ATIC: variants seen among roughly 807,000 people sequenced by gnomAD.
The protein encoded by ATIC is 5-aminoimidazole-4-carboxamide ribonucleotide formyltransferase/IMP cyclohydrolase, also known as bifunctional purine biosynthesis protein ATIC.
Under a neutral mutation model 72.5 loss-of-function variants are expected in ATIC, and 64 were observed. That is an observed-to-expected ratio of 0.88 (90% CI 0.72 to 1.09). The LOEUF (loss-of-function observed/expected upper bound fraction) is 1.09. Among genes scored for constraint, ATIC ranks in the 50% least tolerant of loss-of-function variants. The pLI, the probability that ATIC is intolerant of heterozygous loss-of-function variation, is 0.00. For synonymous variants in ATIC, 281 were observed against 267.1 expected, an observed-to-expected ratio of 1.05 and a Z score of -0.51; for missense variants, 787 against 732.4, an observed-to-expected ratio of 1.07 and a Z score of -0.86.
chr2:215,327,027 G>T, intron 7 of ATIC, 49 bp downstream of exon 7: 1 of 1,611,294 alleles, frequency 6.2e-7, no homozygotes, highest in Non-Finnish European at 8.5e-7. Flanking sequence ...TGGAGAGTGT[G>T]TGTTTCTCTG....
At chr2:215,339,028 C>A in intron 12 of ATIC, 121 bp downstream of exon 12, 1 of 1,337,096 alleles carries the variant, frequency 7.5e-7, no homozygotes, top group Non-Finnish European at 1.1e-6. Context: ...ACACGGCTAG[C>A]TAGCTTATCT....
intron 13 of ATIC, chr2:215,345,169 C>A (rs2053059155): frequency 1.7e-5 from 7 of 422,322 alleles, no homozygotes; most frequent in Non-Finnish European, 3.1e-5. Flanking sequence ...ATTTCCTTTC[C>A]TTTTCCCCCA....
downstream of ATIC, chr2:215,349,807 C>A: frequency 1.5e-6 from 2 of 1,355,692 alleles, no homozygotes; most frequent in Non-Finnish European, 2.1e-6. Flanking sequence ...AAGATGCAGG[C>A]TCTTTGAACT....
intron 12 of ATIC, among the ~76,000 whole-genome samples, chr2:215,341,119 C>T (rs2053014279): frequency 6.6e-6 from 1 of 152,176 alleles, no homozygotes; most frequent in South Asian, 2.1e-4. Context: ...TGTTGATAAG[C>T]ATACGACGAT....
At chr2:215,331,550 T>G (rs967619150) in intron 7 of ATIC, among the ~76,000 whole-genome samples, 2 of 151,964 alleles carry the variant, frequency 1.3e-5, no homozygotes, top group African/African-American at 4.8e-5. Context: ...ACCCAGCTAA[T>G]TTTTGTGTTT....
intron 7 of ATIC, among the ~76,000 whole-genome samples, chr2:215,330,334 T>C (rs2052877322): frequency 6.6e-6 from 1 of 152,206 alleles, no homozygotes; most frequent in Admixed American, 6.5e-5. Context: ...AATTATTTTT[T>C]CAAGTTCTTT....
chr2:215,351,326 A>T (rs911083958), downstream of ATIC, among the ~76,000 whole-genome samples: 12 of 152,242 alleles, frequency 7.9e-5, no homozygotes, highest in Admixed American at 7.2e-4. Flanking sequence ...ATACAGAGAG[A>T]TGCATACTGT....
intron 11 of ATIC, among the ~76,000 whole-genome samples, chr2:215,337,923 A>G (rs2052974630): frequency 6.6e-6 from 1 of 152,172 alleles, no homozygotes; most frequent in South Asian, 2.1e-4. Context: ...TTATCCCTCT[A>G]CCTGACTAAT....
chr2:215,345,131 A>C, intron 13 of ATIC: 1 of 513,274 alleles, frequency 1.9e-6, no homozygotes, highest in Non-Finnish European at 3.6e-6. Flanking sequence ...GATTAGTGAG[A>C]CTCTAATAGC....
At chr2:215,325,209 T>C (rs2052809572) in intron 4 of ATIC, 32 bp from the exon 5 acceptor site, 1 of 1,570,494 alleles carries the variant, frequency 6.4e-7, no homozygotes, top group Admixed American at 1.7e-5. Context: ...GTGGACTTTT[T>C]AATGACAGCC....
intron 7 of ATIC, 57 bp from the exon 8 acceptor site, chr2:215,332,325 A>G (rs2052904230): frequency 1.2e-6 from 2 of 1,610,822 alleles, no homozygotes; most frequent in Non-Finnish European, 8.5e-7. Context: ...AGAAGTGTGC[A>G]TACATCTGAC....
At chr2:215,364,945 T>C in the ATIC span, 8 of 1,581,200 alleles carry the variant, frequency 5.1e-6, no homozygotes, top group South Asian at 9.3e-5. Flanking sequence ...ACTGTTCTCC[T>C]ACGTGGTATG....
chr2:215,322,269 C>G (rs541022412), intron 4 of ATIC, among the ~76,000 whole-genome samples: 1 of 150,638 alleles, frequency 6.6e-6, no homozygotes, highest in Non-Finnish European at 1.5e-5. Flanking sequence ...TTAATGGTGT[C>G]ATGTCTAAGA....
rs749627646 is a variant in ATIC at position 215,326,096 on chromosome 2, T to C, written c.489T>C (p.Ser163=). 6.2e-7 allele frequency: 1 copy of C among 1,613,886 alleles called. No homozygotes were observed. Among genetic ancestry groups the C allele is most frequent in the Non-Finnish European group, 8.5e-7 (1 of 1,179,966 alleles). The stretch of plus-strand genomic sequence containing the variant: ...CCACGGAGATGCAGAGCTCCGAGAG[T>C]AAGGACACCTCCTTGGAGACTAGAC... ...VVSTEMQSSE[S]KDTSLETRRQ... is the part of the protein sequence containing the mutation. Residue 163 remains serine, a synonymous_variant, in exon 6 of 16, where the codon AGT becomes AGC. Coordinates refer to ENST00000236959, the MANE Select transcript of ATIC (RefSeq NM_004044.7).
chr2:215,348,808 A>C (rs1259073712), intron 14 of ATIC: 3 of 317,276 alleles, frequency 9.5e-6, no homozygotes, highest in Non-Finnish European at 1.8e-5. Flanking sequence ...AAATACAAAA[A>C]TTAGCTGGGT....
intron 12 of ATIC, among the ~76,000 whole-genome samples, chr2:215,340,302 A>AT (rs2053005696): frequency 6.6e-6 from 1 of 152,222 alleles, no homozygotes; most frequent in African/African-American, 2.4e-5. Context: ...AAATTGTACC[A>AT]TAAAGGACAA....
downstream of ATIC, among the ~76,000 whole-genome samples, chr2:215,354,041 A>T (rs2106056631): frequency 6.6e-6 from 1 of 150,654 alleles, no homozygotes; most frequent in South Asian, 2.1e-4. Flanking sequence ...TTTTTTTTTG[A>T]GACAGAGTCG....
At chr2:215,348,718 T>C in intron 14 of ATIC, 1 of 395,940 alleles carries the variant, frequency 2.5e-6, no homozygotes, top group Non-Finnish European at 4.9e-6. Flanking sequence ...ATCCCAGCAC[T>C]TTGGGAGGCC....
At position 215,336,017 on chromosome 2, in the gene ATIC, A is replaced by G; in HGVS notation, c.1009-18A>G. The stretch of plus-strand genomic sequence containing the variant: ...TCTGATTTTTAAAAATAGAAATTAA[A>G]ATTTAATATTTTTGCAGGTATCTGA... On this transcript the variant is annotated intron_variant, in intron 10 of 15. Transcript: ENST00000236959. The G allele has an allele frequency of 6.4e-7, 1 of 1,567,314 alleles. No homozygotes were observed.
Sources: gnomAD v4.1 joint callset for allele counts (sites outside exome capture counted in the v4.1 genomes callset) on GRCh38, gnomAD v4.1.1 for gene constraint, MANE v1.5 for transcripts, NCBI Gene and HGNC (gene_info 2026-07-23, HGNC 2026-07-21) for gene names.